Variants in PDXDC1 observed in about 807,000 individuals in gnomAD.
PDXDC1 encodes the protein pyridoxal-dependent decarboxylase domain-containing protein 1.
In PDXDC1, 42 loss-of-function variants were observed where a neutral mutation model predicts 100.1. The observed-to-expected ratio is 0.42, with a 90% confidence interval of 0.33 to 0.54. The LOEUF (loss-of-function observed/expected upper bound fraction) is 0.54. Among genes scored for constraint, PDXDC1 ranks in the 20% least tolerant of loss-of-function variants. The pLI is 0.10. For missense variants in PDXDC1, 636 were observed against 979.2 expected (o/e 0.65, Z 4.68); for synonymous variants, 260 against 371.7 (o/e 0.70, Z 3.46).
At chr16:15,125,301 C>A (rs1303981278) in intron 16 of PDXDC1, 2 of 666,388 alleles carry the variant, frequency 3.0e-6, no homozygotes, top group Non-Finnish European at 5.2e-6. Context: ...TGGGCGTTCC[C>A]TCGCTGGAGG....
intron 1 of PDXDC1, among the ~76,000 whole-genome samples, chr16:14,976,587 T>C (rs2086682718): frequency 6.6e-6 from 1 of 152,294 alleles, no homozygotes; most frequent in African/African-American, 2.4e-5. Flanking sequence ...GTCTACCTTT[T>C]GGTACTTTGA....
chr16:14,990,843 C>T (rs1399464422), intron 1 of PDXDC1, among the ~76,000 whole-genome samples: 4 of 152,288 alleles, frequency 2.6e-5, no homozygotes, highest in African/African-American at 9.6e-5. Flanking sequence ...TGGGTTCAAG[C>T]GATTCTCCTG....
intron 16 of PDXDC1, among the ~76,000 whole-genome samples, chr16:15,117,421 G>A (rs1430938263): frequency 1.4e-5 from 2 of 147,772 alleles, no homozygotes; most frequent in African/African-American, 5.0e-5. Context: ...AGCACTGGGA[G>A]GCCGAGGCAG....
At chr16:15,085,547 G>C (rs1160252122) in intron 16 of PDXDC1, 3 of 1,557,260 alleles carry the variant, frequency 1.9e-6, no homozygotes, top group Non-Finnish European at 1.7e-6. Context: ...CAAACTCTTG[G>C]CCTCAAGTGA....
At chr16:15,087,852 T>C (rs761291741) in intron 16 of PDXDC1, among the ~76,000 whole-genome samples, 32 of 152,298 alleles carry the variant, frequency 2.1e-4, no homozygotes, top group Non-Finnish European at 3.8e-4. Flanking sequence ...TGGTAGCTCA[T>C]GTCTGTAATC....
downstream of PDXDC1, chr16:15,039,948 C>T: frequency 7.1e-7 from 1 of 1,409,986 alleles, no homozygotes; most frequent in Non-Finnish European, 9.9e-7. Flanking sequence ...AACCCCTTAA[C>T]AAAGATGATT....
chr16:15,008,025 G>T (rs1335194199), intron 6 of PDXDC1, among the ~76,000 whole-genome samples: 2 of 152,286 alleles, frequency 1.3e-5, no homozygotes, highest in African/African-American at 4.8e-5. Context: ...TGGATTGGTG[G>T]CTTATAGGGT....
At chr16:15,143,607 C>G (rs535895883), downstream of PDXDC1, among the ~76,000 whole-genome samples, 32 of 152,324 alleles carry the variant, frequency 2.1e-4, no homozygotes, top group Admixed American at 4.6e-4. Flanking sequence ...AAGCCTGAGG[C>G]TGGCAGGGCC....
At chr16:15,129,646 G>T (rs2047945390) in intron 16 of PDXDC1, among the ~76,000 whole-genome samples, 1 of 152,250 alleles carries the variant, frequency 6.6e-6, no homozygotes, top group African/African-American at 2.4e-5. Flanking sequence ...CTACTGTGCA[G>T]AATGTGGGCT....
At chr16:15,013,157 G>A (rs1394878547) in intron 8 of PDXDC1, among the ~76,000 whole-genome samples, 3 of 152,194 alleles carry the variant, frequency 2.0e-5, no homozygotes, top group African/African-American at 7.2e-5. Context: ...GTGACAGAGT[G>A]AGACTCTGTT....
intron 16 of PDXDC1, among the ~76,000 whole-genome samples, chr16:15,087,070 T>A (rs1363812902): frequency 1.3e-5 from 2 of 152,208 alleles, no homozygotes; most frequent in African/African-American, 4.8e-5. Flanking sequence ...TGAAACGCAA[T>A]GTATAAAATA....
Position 15,111,012 on chromosome 16 carries a change from C to A in PDXDC1, c.1400-27867C>A, listed in dbSNP as rs946039785. On this transcript the variant is annotated intron_variant, in intron 16 of 16. Transcript: ENST00000535621. Reference sequence around the variant, plus strand: ...GGCATGGCAGTGGGCGCCTGTAATCCGAGCTACTCGGGAGGCTGAGGCAGA... The same window carrying A: ...GGCATGGCAGTGGGCGCCTGTAATCAGAGCTACTCGGGAGGCTGAGGCAGA... Among the ~76,000 whole-genome samples the A allele has an allele frequency of 2.0e-5, 3 of 148,234 alleles. 1 individual carries two copies. The highest frequency in any genetic ancestry group is 7.3e-5 in the African/African-American group (3 of 40,908).
At chr16:15,067,619 T>C (rs1473785735) in intron 16 of PDXDC1, among the ~76,000 whole-genome samples, 1 of 151,188 alleles carries the variant, frequency 6.6e-6, no homozygotes, top group Non-Finnish European at 1.5e-5. Flanking sequence ...TAAGCATCTA[T>C]GGCTTTGCCC....
At chr16:15,052,156 C>T (rs1020709981) in intron 16 of PDXDC1, among the ~76,000 whole-genome samples, 2 of 152,204 alleles carry the variant, frequency 1.3e-5, no homozygotes, top group Non-Finnish European at 2.9e-5. Flanking sequence ...GCCGCAGTCT[C>T]TGTCACAATT....
chr16:15,037,635 C>G lies in PDXDC1; in HGVS notation c.*1360C>G, dbSNP rs1420268953. 6.3e-6 allele frequency: 1 copy of G among 159,068 alleles called. No homozygotes were observed. The highest frequency in any genetic ancestry group is 2.4e-5 in the African/African-American group (1 of 41,552). 9.9% of individuals were successfully genotyped at this position (159,068 alleles called of 1,614,324 possible). A position where few individuals can be genotyped will look rare whatever the true frequency, so the allele number is the denominator to read the frequency against. ...AAATTGGTTTTGCTGAAACATTTCA[C>G]CCTTGAGATATTATTTGAATGTTGG... On this transcript the variant is annotated 3_prime_UTR_variant, in exon 23 of 23. Transcript: ENST00000396410.
At chr16:14,987,055 CACTCTTAAAA>C (rs1347248378) in intron 1 of PDXDC1, among the ~76,000 whole-genome samples, 1 of 152,204 alleles carries the variant, frequency 6.6e-6, no homozygotes, top group African/African-American at 2.4e-5. Flanking sequence ...GCCATGCTTT[CACTCTTAAAA>C]ATGCTTGGGT....
chr16:15,050,510 A>C (rs750862613), intron 16 of PDXDC1, among the ~76,000 whole-genome samples: 4 of 152,132 alleles, frequency 2.6e-5, no homozygotes, highest in Non-Finnish European at 4.4e-5. Context: ...AGGAGGGAGG[A>C]CTGCTTGAGC....
chr16:15,036,979 T>C lies in PDXDC1; in HGVS notation c.*704T>C. ...ATATATTTTTAAATACTGGCAAAGC[T>C]TTTAAAATTGGCACACAAGTACAGA... On this transcript the variant is annotated 3_prime_UTR_variant, in exon 23 of 23. Coordinates refer to ENST00000396410, the MANE Select transcript of PDXDC1 (RefSeq NM_015027.4). The C allele has an allele frequency of 6.6e-6, 1 of 152,580 alleles. No individual in the cohort carries two copies. The highest frequency in any genetic ancestry group is 1.5e-5 in the Non-Finnish European group (1 of 68,226). 9.5% of individuals were successfully genotyped at this position (152,580 alleles called of 1,614,324 possible). A position where few individuals can be genotyped will look rare whatever the true frequency, so the allele number is the denominator to read the frequency against.
chr16:15,072,886 T>C, intron 16 of PDXDC1: 1 of 1,570,450 alleles, frequency 6.4e-7, no homozygotes, highest in Non-Finnish European at 8.7e-7. Flanking sequence ...ACCCCAGTTT[T>C]TAGGGAAAAT....
Sources: gnomAD v4.1 joint callset for allele counts (sites outside exome capture counted in the v4.1 genomes callset) on GRCh38, gnomAD v4.1.1 for gene constraint, MANE v1.5 for transcripts, NCBI Gene and HGNC (gene_info 2026-07-23, HGNC 2026-07-21) for gene names.